The following ZNF385D variants were observed in gnomAD, a reference collection of about 807,000 sequenced individuals.
ZNF385D encodes the protein zinc finger protein 659.
ZNF385D carries 15 observed loss-of-function variants against 35.8 expected under a neutral mutation model. The ratio of observed to expected loss-of-function variants is 0.42; its 90% CI spans 0.28 to 0.64. The LOEUF is 0.64. ZNF385D is among the 30% of genes least tolerant of loss of function. The pLI, the probability that ZNF385D is intolerant of heterozygous loss-of-function variation, is 0.23. For missense variants in ZNF385D, 474 were observed against 494.6 expected (o/e 0.96, Z 0.39); for synonymous variants, 212 against 186.8 (o/e 1.13, Z -1.10).
At chr3:22,033,022 GAGA>G (rs1214369657) in intron 3 of ZNF385D, among the ~76,000 whole-genome samples, 5 of 152,144 alleles carry the variant, frequency 3.3e-5, no homozygotes, top group African/African-American at 4.8e-5. Flanking sequence ...ACTGCAGACT[GAGA>G]AGAAGAAGAC....
chr3:21,500,592 G>C (rs970371145), intron 4 of ZNF385D, among the ~76,000 whole-genome samples: 10 of 152,206 alleles, frequency 6.6e-5, no homozygotes, highest in Non-Finnish European at 7.3e-5. Flanking sequence ...GTTAGCATGT[G>C]AAGTGTGGGA....
At chr3:21,755,164 G>A (rs186869274), upstream of ZNF385D, among the ~76,000 whole-genome samples, 116 of 152,232 alleles carry the variant, frequency 7.6e-4, no homozygotes, top group Non-Finnish European at 1.2e-3. Flanking sequence ...CCATTGCCTC[G>A]CCCTTGGCTT....
intron 3 of ZNF385D, among the ~76,000 whole-genome samples, chr3:21,840,331 G>C (rs138474556): frequency 6.6e-6 from 1 of 152,008 alleles, no homozygotes; most frequent in Non-Finnish European, 1.5e-5. Context: ...GAATAGAGAA[G>C]AGCTGGAGGC....
chr3:22,207,344 G>C (rs1697224116), intron 2 of ZNF385D, among the ~76,000 whole-genome samples: 1 of 151,888 alleles, frequency 6.6e-6, no homozygotes, highest in Non-Finnish European at 1.5e-5. Context: ...ACTGGGAAAA[G>C]CACAATATCA....
intron 3 of ZNF385D, among the ~76,000 whole-genome samples, chr3:22,098,929 C>T (rs1701777042): frequency 1.3e-5 from 2 of 152,098 alleles, no homozygotes; most frequent in Admixed American, 6.6e-5. Context: ...CACTTGCCTA[C>T]TATTTAAGCC....
intron 3 of ZNF385D, among the ~76,000 whole-genome samples, chr3:21,774,103 G>C (rs2071191653): frequency 6.6e-6 from 1 of 151,956 alleles, no homozygotes; most frequent in East Asian, 1.9e-4. Flanking sequence ...AAAGGAACAA[G>C]ATAATGTCCT....
chr3:21,552,879 TTAAAA>T (rs1420041539), intron 3 of ZNF385D, among the ~76,000 whole-genome samples: 24 of 152,304 alleles, frequency 1.6e-4, no homozygotes, highest in Admixed American at 4.6e-4. Flanking sequence ...TCAGCTGACT[TTAAAA>T]TAAGGAAATT....
intron 3 of ZNF385D, chr3:21,511,488 A>G (rs1707195547): frequency 2.8e-6 from 1 of 356,372 alleles, no homozygotes; most frequent in Non-Finnish European, 5.5e-6. Flanking sequence ...GGAAAGGTTC[A>G]CACAAAACAG....
chr3:21,640,507 T>G (rs890943756), intron 2 of ZNF385D, among the ~76,000 whole-genome samples: 3 of 152,078 alleles, frequency 2.0e-5, no homozygotes, highest in Non-Finnish European at 2.9e-5. Context: ...TAATTAGGTT[T>G]AGAGGCAATC....
At chr3:21,969,466 T>G (rs575223261) in intron 3 of ZNF385D, among the ~76,000 whole-genome samples, 1 of 152,186 alleles carries the variant, frequency 6.6e-6, no homozygotes, top group Non-Finnish European at 1.5e-5. Flanking sequence ...TCTTCAGCCA[T>G]GCTGAGCTGT....
At chr3:22,046,050 C>A (rs569778155) in intron 3 of ZNF385D, among the ~76,000 whole-genome samples, 49 of 151,986 alleles carry the variant, frequency 3.2e-4, no homozygotes, top group African/African-American at 1.1e-3. Flanking sequence ...TAATTGTCAA[C>A]CCTGGCAGAT....
At chr3:21,441,378 A>T (rs1701851100) in intron 4 of ZNF385D, among the ~76,000 whole-genome samples, 1 of 152,184 alleles carries the variant, frequency 6.6e-6, no homozygotes, top group African/African-American at 2.4e-5. Flanking sequence ...GAAATTTGGG[A>T]ACTTGCCCAA....
intron 2 of ZNF385D, among the ~76,000 whole-genome samples, chr3:21,636,534 G>A (rs1000407130): frequency 8.9e-4 from 135 of 151,314 alleles, no homozygotes; most frequent in African/African-American, 3.2e-3. Flanking sequence ...GGAGTCTGAC[G>A]TTCAAGGGCA....
intron 3 of ZNF385D, among the ~76,000 whole-genome samples, chr3:22,072,115 G>T (rs1273379667): frequency 6.6e-6 from 1 of 151,994 alleles, no homozygotes; most frequent in Non-Finnish European, 1.5e-5. Flanking sequence ...ATTAGGCATT[G>T]AAGAAACAGA....
At chr3:21,898,570 T>C (rs954635163) in intron 3 of ZNF385D, among the ~76,000 whole-genome samples, 8 of 152,140 alleles carry the variant, frequency 5.3e-5, no homozygotes, top group Non-Finnish European at 2.9e-5. Context: ...TATTATAACT[T>C]CCAATTTACC....
chr3:21,497,946 G>A (rs762418667), intron 4 of ZNF385D, among the ~76,000 whole-genome samples: 3 of 152,024 alleles, frequency 2.0e-5, no homozygotes, highest in Non-Finnish European at 2.9e-5. Context: ...CAAAGCTGGC[G>A]GTATCACATT....
chr3:22,150,239 C>T (rs1180473891), intron 3 of ZNF385D, among the ~76,000 whole-genome samples: 1 of 152,028 alleles, frequency 6.6e-6, no homozygotes, highest in Non-Finnish European at 1.5e-5. Context: ...TCCAACTTTC[C>T]CTCTATGTTC....
rs187267467 is a variant in ZNF385D at position 21,438,152 on chromosome 3, C to T, written c.440-949G>A. 2.2e-3 allele frequency among the ~76,000 whole-genome samples: 341 copies of T among 152,232 alleles called. 2 individuals are homozygous for T. The highest frequency in any genetic ancestry group is 7.3e-3 in the African/African-American group (303 of 41,544). On this transcript the variant is annotated intron_variant, in intron 4 of 7. Transcript: ENST00000281523. ...CTTCCAAATATGCCAATCACTGTTACGTTAGCAATGTTTGCCATACCCAAT... is the reference window on the plus strand; with the variant it reads ...CTTCCAAATATGCCAATCACTGTTATGTTAGCAATGTTTGCCATACCCAAT...
At chr3:22,131,622 A>C (rs1703795035) in intron 3 of ZNF385D, among the ~76,000 whole-genome samples, 1 of 152,162 alleles carries the variant, frequency 6.6e-6, no homozygotes. Context: ...GTATAAGTGG[A>C]AGGGAAGGCC....
Sources: allele counts gnomAD v4.1 joint callset (sites outside exome capture counted in the v4.1 genomes callset), GRCh38; gene constraint gnomAD v4.1.1; transcripts MANE v1.5; gene names NCBI Gene and HGNC (gene_info 2026-07-23, HGNC 2026-07-21).